INCENP: variants seen among roughly 807,000 people sequenced by gnomAD.
INCENP encodes binds and activates aurora-B and -C in vivo and in vitro.
INCENP carries 43 observed loss-of-function variants against 107.3 expected under a neutral mutation model. The observed-to-expected ratio is 0.40, with a 90% confidence interval of 0.31 to 0.52. INCENP has a LOEUF of 0.52. INCENP is among the 20% of genes least tolerant of loss of function. The pLI is 0.53. For missense variants in INCENP, 1,089 were observed against 1,250.9 expected, an observed-to-expected ratio of 0.87 and a Z score of 1.95; for synonymous variants, 488 against 494.4, an observed-to-expected ratio of 0.99 and a Z score of 0.17.
chr11:62,129,011 G>A (rs932713089), intron 3 of INCENP, 128 bp downstream of exon 3: 13 of 669,774 alleles, frequency 1.9e-5, no homozygotes, highest in East Asian at 2.7e-5. Context: ...GGGTACCACC[G>A]CGGGTACTGC....
At chr11:62,148,915 A>G in intron 17 of INCENP, 69 bp downstream of exon 17, 1 of 979,376 alleles carries the variant, frequency 1.0e-6, no homozygotes, top group Non-Finnish European at 1.5e-6. Flanking sequence ...CCCAGTAGCT[A>G]GAGGCACAGG....
rs200560937 is a variant in INCENP, at chr11:62,151,937, G to A, written c.2718G>A (p.Arg906=). ...VWNSPPLQGA[R]VPSSLAYSLK... ...ACTCACCGCCCCTGCAGGGCGCCAG[G>A]GTCCCCAGCAGCCTGGCCTACAGCC... The change falls in exon 19 of 19, where the codon AGG becomes AGA. Residue 906 remains arginine (R), a synonymous_variant. Transcript: ENST00000394818. 8 of 1,612,646 alleles carry A rather than the reference G, an allele frequency of 5.0e-6. No homozygotes were observed. In the Admixed American group the frequency reaches 1.2e-4, roughly 24 times the overall value.
intron 11 of INCENP, chr11:62,144,678 A>G (rs900820352): frequency 7.3e-5 from 49 of 667,936 alleles, no homozygotes; most frequent in Non-Finnish European, 1.0e-4. Flanking sequence ...TGTAGTTGTC[A>G]TTAGCACATA....
intron 6 of INCENP, 54 bp downstream of exon 6, chr11:62,138,824 A>T: frequency 6.2e-7 from 1 of 1,607,952 alleles, no homozygotes; most frequent in Non-Finnish European, 8.5e-7. Context: ...CCCGCTCTGC[A>T]CTACGGCCAT....
At chr11:62,138,203 C>T (rs1944033558) in intron 5 of INCENP, among the ~76,000 whole-genome samples, 1 of 152,132 alleles carries the variant, frequency 6.6e-6, no homozygotes, top group Non-Finnish European at 1.5e-5. Flanking sequence ...TAGGAGTGCT[C>T]CAGGATTACA....
In INCENP at chr11:62,130,511, G is replaced by A; in HGVS notation, c.984G>A (p.Gln328=). The change falls in exon 4 of 19, where the codon CAG becomes CAA. Residue 328 remains glutamine, a synonymous_variant. Coordinates refer to ENST00000394818, the MANE Select transcript of INCENP (RefSeq NM_001040694.2). ...AGAAGTACTCTCTGGTGGCCAAACA[G>A]GAAAGTGTTGTCCGCAGGGCGAGCA... ...LAQKYSLVAK[Q]ESVVRRASRR... The A allele has an allele frequency of 6.2e-7, 1 of 1,614,116 alleles. No homozygotes were observed. Among genetic ancestry groups the A allele is most frequent in the Non-Finnish European group, 8.5e-7 (1 of 1,180,046 alleles).
At position 62,130,540 on chromosome 11, in the gene INCENP, G is replaced by A. The variant is rs934459582; in HGVS notation, c.1013G>A (p.Arg338Lys). 1.9e-6 allele frequency: 3 copies of A among 1,613,816 alleles called. No homozygotes were observed. Among genetic ancestry groups the A allele is most frequent in the East Asian group, 4.5e-5 (2 of 44,882 alleles). ...AGTGTTGTCCGCAGGGCGAGCAGAAGGCTTGCCAAGAAGACTGCCGAAGAG... is the reference window on the plus strand; with the variant it reads ...AGTGTTGTCCGCAGGGCGAGCAGAAAGCTTGCCAAGAAGACTGCCGAAGAG... ...QESVVRRASR[R>K]LAKKTAEEPA... is the part of the protein sequence containing the mutation. The change falls in exon 4 of 19, where the codon AGG becomes AAG. Residue 338 changes from arginine (R) to lysine (K), a missense_variant. Transcript: ENST00000394818.
Position 62,124,124 on chromosome 11 carries a change from C to T in INCENP, c.-51C>T, listed in dbSNP as rs1445124385. 6.6e-6 allele frequency: 1 copy of T among 152,230 alleles called. No homozygotes were observed. Among genetic ancestry groups the T allele is most frequent in the Non-Finnish European group, 1.5e-5 (1 of 68,036 alleles). The allele number at this position is 152,230 out of a possible 1,614,324, so 9.4% of individuals were successfully genotyped here. A position where few individuals can be genotyped will look rare whatever the true frequency, so the allele number is the denominator to read the frequency against. On this transcript the variant is annotated 5_prime_UTR_variant, in exon 1 of 19. Transcript: ENST00000394818. Reference sequence around the variant, plus strand: ...GGCCTTACCTAGGGATACCACCGGACTTGGATCGGAGCAGCCTTCAGGGGA... The same window carrying T: ...GGCCTTACCTAGGGATACCACCGGATTTGGATCGGAGCAGCCTTCAGGGGA...
Position 62,130,543 on chromosome 11 carries a change from T to C in INCENP, c.1016T>C (p.Leu339Pro). 6.2e-7 allele frequency: 1 copy of C among 1,613,904 alleles called. No individual in the cohort carries two copies. Among genetic ancestry groups the C allele is most frequent in the Non-Finnish European group, 8.5e-7 (1 of 1,180,008 alleles). ...ESVVRRASRR[L>P]AKKTAEEPAA... ...GTTGTCCGCAGGGCGAGCAGAAGGC[T>C]TGCCAAGAAGACTGCCGAAGAGCCA... Residue 339 changes from leucine (L) to proline (P), a missense_variant, in exon 4 of 19, where the codon CTT becomes CCT. Coordinates refer to ENST00000394818, the MANE Select transcript of INCENP (RefSeq NM_001040694.2).
intron 7 of INCENP, among the ~76,000 whole-genome samples, chr11:62,139,434 A>G (rs1043710995): frequency 6.6e-6 from 1 of 152,172 alleles, no homozygotes; most frequent in Non-Finnish European, 1.5e-5. Context: ...GCTGGAGAGC[A>G]GTGGGTTTGG....
At chr11:62,124,914 T>C (rs1222472809) in intron 1 of INCENP, among the ~76,000 whole-genome samples, 1 of 152,160 alleles carries the variant, frequency 6.6e-6, no homozygotes, top group African/African-American at 2.4e-5. Context: ...GGGCATGGAG[T>C]ATGACTCAGT....
intron 15 of INCENP, 27 bp from the exon 16 acceptor site, chr11:62,148,449 C>G: frequency 6.3e-7 from 1 of 1,585,260 alleles, no homozygotes; most frequent in African/African-American, 1.3e-5. Flanking sequence ...CACTTCCTGT[C>G]CTAACAGGCT....
intron 4 of INCENP, among the ~76,000 whole-genome samples, chr11:62,131,208 A>G (rs1247473843): frequency 2.0e-5 from 3 of 152,080 alleles, no homozygotes; most frequent in South Asian, 2.1e-4. Flanking sequence ...CTGAGTGCCA[A>G]CTCAGCCATT....
At chr11:62,142,277 G>A (rs150153553) in intron 11 of INCENP, among the ~76,000 whole-genome samples, 97 of 152,378 alleles carry the variant, frequency 6.4e-4, no homozygotes, top group African/African-American at 2.3e-3. Flanking sequence ...GAGGGCCTCG[G>A]CAGGTGAGAG....
At position 62,145,075 on chromosome 11, in the gene INCENP, C is replaced by T. The variant is rs371459415; in HGVS notation, c.1699C>T (p.Leu567=). ...GGTGGAGGAGGACAAGCGGCGGCGG[C>T]TGGAGGAGGTGAAGCTGTAAGTGGC... ...QKVEEDKRRR[L]EEVKLKREER... is the part of the protein sequence containing the mutation. Residue 567 remains leucine, a synonymous_variant, in exon 12 of 19, where the codon CTG becomes TTG. Coordinates refer to ENST00000394818, the MANE Select transcript of INCENP (RefSeq NM_001040694.2). The T allele has an allele frequency of 7.4e-6, 12 of 1,613,512 alleles. No homozygotes were observed. Among genetic ancestry groups the T allele is most frequent in the African/African-American group, 2.7e-5 (2 of 74,926 alleles).
intron 11 of INCENP, among the ~76,000 whole-genome samples, chr11:62,143,736 G>C (rs773571798): frequency 3.5e-4 from 54 of 152,250 alleles, no homozygotes; most frequent in Admixed American, 1.3e-4. Context: ...ATAGTAACCA[G>C]TACAGGAAGA....
chr11:62,139,968 C>T lies in INCENP; in HGVS notation c.1292-266C>T, dbSNP rs193126064. On this transcript the variant is annotated intron_variant, in intron 7 of 18. Coordinates refer to ENST00000394818, the MANE Select transcript of INCENP (RefSeq NM_001040694.2). ...GTAGATTTGTATTTTTAGTAGAGGC[C>T]GGGTTTCACTATGTTGGCCAGGCTG... Among the ~76,000 whole-genome samples the T allele has an allele frequency of 3.3e-3, 505 of 152,206 alleles. 3 individuals are homozygous for T. The highest frequency in any genetic ancestry group is 0.012 in the African/African-American group (482 of 41,528).
intron 17 of INCENP, among the ~76,000 whole-genome samples, chr11:62,149,671 C>T (rs1453497126): frequency 1.3e-5 from 2 of 152,164 alleles, no homozygotes; most frequent in East Asian, 1.9e-4. Flanking sequence ...CCTGTAATCC[C>T]AGCATATTGG....
intron 8 of INCENP, 105 bp downstream of exon 8, chr11:62,140,390 C>A: frequency 1.9e-6 from 2 of 1,031,382 alleles, no homozygotes; most frequent in Non-Finnish European, 1.5e-6. Context: ...GGCTTCAGAG[C>A]CTCTCTGCTG....
Sources: gnomAD v4.1 joint callset for allele counts (sites outside exome capture counted in the v4.1 genomes callset) on GRCh38, gnomAD v4.1.1 for gene constraint, MANE v1.5 for transcripts, NCBI Gene and HGNC (gene_info 2026-07-23, HGNC 2026-07-21) for gene names.